The following CRYBG1 variants were observed in gnomAD, a reference collection of about 807,000 sequenced individuals.
CRYBG1 encodes the protein beta/gamma crystallin domain-containing protein 1.
A neutral mutation model predicts 189.2 loss-of-function variants in CRYBG1; 139 were observed. That is an observed-to-expected ratio of 0.73 (90% CI 0.64 to 0.85). The LOEUF (loss-of-function observed/expected upper bound fraction) is 0.85, where lower values mean the gene tolerates loss of function less well. CRYBG1 is among the 40% of genes least tolerant of loss of function. The pLI is 0.00. For synonymous variants in CRYBG1, 1,023 were observed against 1,017.1 expected, an observed-to-expected ratio of 1.01 and a Z score of -0.11; for missense variants, 2,611 against 2,675.8, an observed-to-expected ratio of 0.98 and a Z score of 0.53.
intron 2 of CRYBG1, among the ~76,000 whole-genome samples, chr6:106,484,126 T>A (rs1582789167): frequency 6.6e-6 from 1 of 152,346 alleles, no homozygotes; most frequent in Non-Finnish European, 1.5e-5. Flanking sequence ...TGTGTTCTTG[T>A]CACCTTTATT....
chr6:106,510,141 C>A (rs1773215956), intron 2 of CRYBG1, among the ~76,000 whole-genome samples: 1 of 152,194 alleles, frequency 6.6e-6, no homozygotes, highest in Admixed American at 6.5e-5. Flanking sequence ...CTCAAGCTAG[C>A]ACCTAGGTTT....
chr6:106,534,810 G>A (rs1773962433), intron 8 of CRYBG1, among the ~76,000 whole-genome samples: 1 of 152,094 alleles, frequency 6.6e-6, no homozygotes, highest in African/African-American at 2.4e-5. Flanking sequence ...GGTTTTTTGG[G>A]GGCGGGGTGT....
intron 21 of CRYBG1, among the ~76,000 whole-genome samples, chr6:106,565,160 A>C (rs954166090): frequency 6.6e-6 from 1 of 152,070 alleles, no homozygotes; most frequent in Non-Finnish European, 1.5e-5. Context: ...TCTACTAAAA[A>C]ATACAAAAAA....
chr6:106,427,227 T>C (rs959820456), intron 1 of CRYBG1, among the ~76,000 whole-genome samples: 9 of 152,302 alleles, frequency 5.9e-5, no homozygotes, highest in African/African-American at 2.2e-4. Context: ...TCCATCTCTG[T>C]CTGCATCCCA....
chr6:106,496,864 G>T (rs1772863378), intron 2 of CRYBG1, among the ~76,000 whole-genome samples: 3 of 152,212 alleles, frequency 2.0e-5, no homozygotes, highest in Admixed American at 6.5e-5. Flanking sequence ...GTTGAAATGG[G>T]CAGGAACCTG....
At chr6:106,477,976 T>C (rs576401471) in intron 2 of CRYBG1, among the ~76,000 whole-genome samples, 41 of 152,258 alleles carry the variant, frequency 2.7e-4, no homozygotes, top group Non-Finnish European at 4.9e-4. Flanking sequence ...CAGAAGTTCC[T>C]GTCCCTGTAC....
At chr6:106,533,739 G>A (rs1208989416) in intron 8 of CRYBG1, among the ~76,000 whole-genome samples, 3 of 152,204 alleles carry the variant, frequency 2.0e-5, no homozygotes, top group Non-Finnish European at 4.4e-5. Context: ...TGGAGGAGCA[G>A]GATAGGAGAG....
chr6:106,547,212 A>ACACACACACACC (rs1554191201), intron 13 of CRYBG1, among the ~76,000 whole-genome samples: 1 of 60,246 alleles, frequency 1.7e-5, no homozygotes, highest in Non-Finnish European at 5.8e-5. Context: ...ACACACACAC[A>ACACACACACACC]CCACTTCCTT....
In CRYBG1 at chr6:106,401,282, C is replaced by T. The variant is rs114692281; in HGVS notation, c.173+40201C>T. ...CTTTGGACTTTACTTATATTTTGTACGGATTATCTACTACAGAGAGGGTAT... is the reference window on the plus strand; with the variant it reads ...CTTTGGACTTTACTTATATTTTGTATGGATTATCTACTACAGAGAGGGTAT... On this transcript the variant is annotated intron_variant, in intron 1 of 21. Coordinates refer to ENST00000633556, the MANE Select transcript of CRYBG1 (RefSeq NM_001371242.2). Among the ~76,000 whole-genome samples, 1,286 of 152,054 alleles carry T rather than the reference C, an allele frequency of 8.5e-3. 22 individuals carry two copies. The highest frequency in any genetic ancestry group is 0.029 in the African/African-American group (1,206 of 41,452).
At chr6:106,364,002 C>T (rs547531428) in intron 1 of CRYBG1, among the ~76,000 whole-genome samples, 1 of 152,028 alleles carries the variant, frequency 6.6e-6, no homozygotes, top group African/African-American at 2.4e-5. Flanking sequence ...AGGGGAAAAC[C>T]AACTCTAGGA....
At chr6:106,545,108 A>G (rs1774237744) in intron 13 of CRYBG1, among the ~76,000 whole-genome samples, 175 bp downstream of exon 13, 1 of 152,202 alleles carries the variant, frequency 6.6e-6, no homozygotes, top group African/African-American at 2.4e-5. Context: ...CTCTTTAAAA[A>G]TCGTTCTCAT....
chr6:106,545,796 A>G (rs762595808), intron 13 of CRYBG1, among the ~76,000 whole-genome samples: 1 of 152,242 alleles, frequency 6.6e-6, no homozygotes, highest in African/African-American at 2.4e-5. Flanking sequence ...CTCCTGCTTC[A>G]GCCTCCCAAG....
chr6:106,444,995 AACAG>A (rs368900867), intron 1 of CRYBG1, among the ~76,000 whole-genome samples: 4 of 152,042 alleles, frequency 2.6e-5, no homozygotes, highest in African/African-American at 9.6e-5. Context: ...CAAACAAACA[AACAG>A]ACAAACAAAA....
chr6:106,388,467 C>T (rs944050455), intron 1 of CRYBG1, among the ~76,000 whole-genome samples: 5 of 152,098 alleles, frequency 3.3e-5, no homozygotes, highest in African/African-American at 1.2e-4. Context: ...TGTTGAATTG[C>T]CCCTTCTAAC....
Position 106,520,671 on chromosome 6 carries a change from A to C in CRYBG1, c.3463A>C (p.Lys1155Gln). ...CCATTTAGAAAAGGTGTTTGATCCC[A>C]AAGTGTTTACCTTTGGTTTGGGGAA... ...EDHLEKVFDP[K>Q]VFTFGLGKKK... Residue 1155 changes from lysine (K) to glutamine (Q), a missense_variant, in exon 4 of 22, where the codon AAA (lysine) becomes CAA (glutamine). Lys to Gln is a moderately conservative substitution (Grantham distance 53). Coordinates refer to ENST00000633556, the MANE Select transcript of CRYBG1 (RefSeq NM_001371242.2). The C allele has an allele frequency of 6.2e-7, 1 of 1,614,192 alleles. No homozygotes were observed.
chr6:106,426,140 C>T (rs187482891), intron 1 of CRYBG1, among the ~76,000 whole-genome samples: 1 of 152,256 alleles, frequency 6.6e-6, no homozygotes, highest in Admixed American at 6.5e-5. Context: ...CCACACCCAC[C>T]ACCAACTTGT....
chr6:106,493,655 T>G (rs1398541984), intron 2 of CRYBG1, among the ~76,000 whole-genome samples: 3 of 152,160 alleles, frequency 2.0e-5, no homozygotes, highest in Admixed American at 2.0e-4. Flanking sequence ...GATCATGTCC[T>G]TTGCAGGGAC....
intron 1 of CRYBG1, among the ~76,000 whole-genome samples, chr6:106,385,988 A>AAAC (rs929815646): frequency 8.5e-5 from 13 of 152,280 alleles, no homozygotes; most frequent in African/African-American, 2.6e-4. Flanking sequence ...AAACAAAACA[A>AAAC]AACAACAACA....
chr6:106,501,923 A>G lies in CRYBG1; in HGVS notation c.313-9507A>G, dbSNP rs147824474. Among the ~76,000 whole-genome samples the G allele has an allele frequency of 1.6e-4, 24 of 152,342 alleles. No homozygotes were observed. In the East Asian group the frequency reaches 4.0e-3, roughly 26 times the overall value. On this transcript the variant is annotated intron_variant, in intron 2 of 21. Transcript: ENST00000633556. The stretch of plus-strand genomic sequence containing the variant: ...AACATGGCTAAACTGACCTGAAGTT[A>G]TGAGGTCTCAAGGTCACTAGAAGTC...
Sources: gnomAD v4.1 joint callset for allele counts (sites outside exome capture counted in the v4.1 genomes callset) on GRCh38, gnomAD v4.1.1 for gene constraint, MANE v1.5 for transcripts, NCBI Gene and HGNC (gene_info 2026-07-23, HGNC 2026-07-21) for gene names.